Variants in HNF1B observed in about 807,000 individuals in gnomAD.
HNF1B encodes the protein HNF1 homeobox B.
Under a neutral mutation model 61.7 loss-of-function variants are expected in HNF1B, and 8 were observed. The ratio of observed to expected loss-of-function variants is 0.13; its 90% CI spans 0.08 to 0.23. The LOEUF (loss-of-function observed/expected upper bound fraction) is 0.23, where lower values mean the gene tolerates loss of function less well. Ranked by LOEUF, HNF1B falls within the 10% of genes least tolerant of loss-of-function variation. The probability of loss-of-function intolerance (pLI) is 1.00; values close to 1 mark genes in which losing one functional copy is unlikely to be tolerated. For synonymous variants in HNF1B, 314 were observed against 287.7 expected (o/e 1.09, Z -0.93); for missense variants, 562 against 714.5 (o/e 0.79, Z 2.43).
At chr17:37,739,774 G>A in intron 1 of HNF1B, 135 bp from the exon 2 acceptor site, 1 of 801,720 alleles carries the variant, frequency 1.2e-6, no homozygotes, top group East Asian at 2.7e-5. Context: ...CTTTGGGGTA[G>A]ACATGAGGCC....
chr17:37,732,176 ACCACATAAAAGGCAAAG>A (rs2033708419), intron 3 of HNF1B, among the ~76,000 whole-genome samples: 1 of 152,156 alleles, frequency 6.6e-6, no homozygotes, highest in Non-Finnish European at 1.5e-5. Flanking sequence ...CATTCTTCCC[ACCACATAAAAGGCAAAG>A]CCCTTCGCTG....
At chr17:37,720,765 A>T (rs868038659) in intron 4 of HNF1B, 8 of 985,042 alleles carry the variant, frequency 8.1e-6, no homozygotes, top group Non-Finnish European at 8.4e-6. Context: ...ACAGCCCACA[A>T]TTCTGCCACT....
intron 4 of HNF1B, among the ~76,000 whole-genome samples, chr17:37,711,229 G>T (rs867669043): frequency 1.3e-5 from 2 of 152,230 alleles, no homozygotes; most frequent in South Asian, 4.1e-4. Context: ...GGCCCAAGAG[G>T]TCAGGGGCAC....
intron 4 of HNF1B, chr17:37,721,004 G>C (rs1451316707): frequency 1.1e-6 from 1 of 946,384 alleles, no homozygotes; most frequent in Non-Finnish European, 1.3e-6. Flanking sequence ...ACAAATAGGA[G>C]ATGTTGTTTA....
intron 4 of HNF1B, 33 bp from the exon 5 acceptor site, chr17:37,710,696 T>C (rs748807180): frequency 5.6e-6 from 9 of 1,602,726 alleles, no homozygotes; most frequent in Admixed American, 3.4e-5. Flanking sequence ...TAGGGAACAT[T>C]AGTGCCACCA....
intron 1 of HNF1B, 22 bp from the exon 2 acceptor site, chr17:37,739,661 T>C: frequency 6.3e-7 from 1 of 1,583,698 alleles, no homozygotes; most frequent in Non-Finnish European, 8.6e-7. Context: ...AGCAGATGGT[T>C]AGGGTACTAG....
intron 4 of HNF1B, among the ~76,000 whole-genome samples, chr17:37,718,929 A>T (rs75556655): frequency 6.6e-6 from 1 of 151,856 alleles, no homozygotes; most frequent in African/African-American, 2.4e-5. Context: ...TTATCCTCTA[A>T]ATCTCCCAGT....
In HNF1B at chr17:37,688,380, A is replaced by AACACACACACACAC. The variant is rs5820230; in HGVS notation, c.1654-1002_1654-989dup. Among the ~76,000 whole-genome samples, 129 of 136,172 alleles carry AACACACACACACAC rather than the reference A, an allele frequency of 9.5e-4. 1 individual carries two copies. Among genetic ancestry groups the AACACACACACACAC allele is most frequent in the Middle Eastern group, 3.7e-3 (1 of 268 alleles). 89.3% of individuals were successfully genotyped at this position (136,172 alleles called of 152,430 possible). A position where few individuals can be genotyped will look rare whatever the true frequency, so the allele number is the denominator to read the frequency against. ...GGCTTATTCTCTCAAGATCCCCCCA[A>AACACACACACACAC]ACACACACACACACACACACACACA... On this transcript the variant is annotated intron_variant, in intron 8 of 8. Transcript: ENST00000617811.
intron 4 of HNF1B, among the ~76,000 whole-genome samples, chr17:37,719,262 C>A (rs1367542690): frequency 6.6e-6 from 1 of 151,966 alleles, no homozygotes; most frequent in African/African-American, 2.4e-5. Flanking sequence ...GGCAAGCATT[C>A]TTTTTAAGGA....
At chr17:37,717,578 G>A (rs1008234382) in intron 4 of HNF1B, among the ~76,000 whole-genome samples, 4 of 152,206 alleles carry the variant, frequency 2.6e-5, no homozygotes, top group Non-Finnish European at 4.4e-5. Context: ...ATGACAGGGA[G>A]AGACTGGGCC....
chr17:37,734,319 A>G (rs2033773952), intron 2 of HNF1B, among the ~76,000 whole-genome samples: 2 of 152,254 alleles, frequency 1.3e-5, no homozygotes, highest in African/African-American at 4.8e-5. Context: ...TCAGGTTTTT[A>G]GAAAAACCCC....
At position 37,733,663 on chromosome 17, in the gene HNF1B, G is replaced by T. The variant is rs193922491; in HGVS notation, c.703C>A (p.Arg235=). ...EPTNKKMRRN[R]FKWGPASQQI... Reference sequence around the variant, plus strand: ...TGGGACGCGGGCCCCCATTTGAACCGGTTGCGGCGCATCTTCTTGTTGGTG... The same window carrying T: ...TGGGACGCGGGCCCCCATTTGAACCTGTTGCGGCGCATCTTCTTGTTGGTG... Residue 235 remains arginine (R), a synonymous_variant, in exon 3 of 9, where the codon CGG becomes AGG. Transcript: ENST00000617811. 2.4e-5 allele frequency: 38 copies of T among 1,614,026 alleles called. No individual in the cohort carries two copies. The highest frequency in any genetic ancestry group is 3.1e-5 in the Non-Finnish European group (36 of 1,180,042).
At chr17:37,696,988 A>T (rs541300300) in intron 8 of HNF1B, among the ~76,000 whole-genome samples, 1 of 151,866 alleles carries the variant, frequency 6.6e-6, no homozygotes, top group South Asian at 2.1e-4. Context: ...CTTATTTTTT[A>T]CTCTTGTTCC....
chr17:37,720,901 TGAA>T (rs2033292155), intron 4 of HNF1B: 1 of 985,390 alleles, frequency 1.0e-6, no homozygotes, highest in Non-Finnish European at 1.2e-6. Flanking sequence ...TTGTAGACAA[TGAA>T]GAAGAACGGC....
intron 6 of HNF1B, among the ~76,000 whole-genome samples, chr17:37,701,935 G>A (rs1252769460): frequency 6.6e-6 from 1 of 152,204 alleles, no homozygotes; most frequent in Admixed American, 6.5e-5. Context: ...CAGGGCCTCT[G>A]TAACTTGGAA....
chr17:37,726,416 C>T (rs1353348122), intron 4 of HNF1B, among the ~76,000 whole-genome samples: 1 of 152,222 alleles, frequency 6.6e-6, no homozygotes, highest in African/African-American at 2.4e-5. Context: ...AGGAACTCGG[C>T]CCAGGGCCTG....
chr17:37,689,358 G>C (rs921840418), intron 8 of HNF1B, among the ~76,000 whole-genome samples: 4 of 152,100 alleles, frequency 2.6e-5, no homozygotes, highest in African/African-American at 9.7e-5. Context: ...GTGGAGGAGA[G>C]AGAAAACGGC....
chr17:37,692,362 C>A (rs1286559206), intron 8 of HNF1B, among the ~76,000 whole-genome samples: 1 of 152,186 alleles, frequency 6.6e-6, no homozygotes, highest in African/African-American at 2.4e-5. Context: ...GGAAGATGAA[C>A]GTTGTTTAAT....
chr17:37,688,290 T>TCTC (rs1416015113), intron 8 of HNF1B, among the ~76,000 whole-genome samples: 1 of 151,958 alleles, frequency 6.6e-6, no homozygotes, highest in Non-Finnish European at 1.5e-5. Flanking sequence ...TCTCTTTTTG[T>TCTC]CTCCCTGTGT....
Sources: allele counts gnomAD v4.1 joint callset (sites outside exome capture counted in the v4.1 genomes callset), GRCh38; gene constraint gnomAD v4.1.1; transcripts MANE v1.5; gene names NCBI Gene and HGNC (gene_info 2026-07-23, HGNC 2026-07-21).